PRELID2: variants seen among roughly 807,000 people sequenced by gnomAD.
The protein encoded by PRELID2 is PRELI domain-containing protein 2.
PRELID2 carries 25 observed loss-of-function variants against 28.4 expected under a neutral mutation model. That is an observed-to-expected ratio of 0.88 (90% CI 0.64 to 1.23). PRELID2 has a LOEUF of 1.23. Among genes scored for constraint, PRELID2 ranks in the 50% most tolerant of loss-of-function variants. The pLI, the probability that PRELID2 is intolerant of heterozygous loss-of-function variation, is 0.00. For missense variants in PRELID2, 201 were observed against 214.4 expected (o/e 0.94, Z 0.39); for synonymous variants, 76 against 71.6 (o/e 1.06, Z -0.31).
At chr5:145,802,433 C>T (rs898031695) in intron 4 of PRELID2, among the ~76,000 whole-genome samples, 1 of 151,952 alleles carries the variant, frequency 6.6e-6, no homozygotes, top group Admixed American at 6.6e-5. Context: ...CAAAGACTAG[C>T]GCACGGTAGG....
At chr5:145,604,037 TATAA>T (rs1292192221) in intron 1 of PRELID2, among the ~76,000 whole-genome samples, 1 of 152,122 alleles carries the variant, frequency 6.6e-6, no homozygotes. Flanking sequence ...TGACACTATA[TATAA>T]ATATCTTTTT....
At chr5:145,360,720 A>G in the PRELID2 span, among the ~76,000 whole-genome samples, 1 of 152,210 alleles carries the variant, frequency 6.6e-6, no homozygotes, top group African/African-American at 2.4e-5. Flanking sequence ...CCAGGAAGTC[A>G]ATAACTCTAT....
the PRELID2 span, among the ~76,000 whole-genome samples, chr5:145,273,213 T>C: frequency 6.6e-6 from 1 of 152,126 alleles, no homozygotes; most frequent in Admixed American, 6.6e-5. Flanking sequence ...TCTCGAATTA[T>C]TTTCCTAGGG....
At chr5:145,432,368 T>C in the PRELID2 span, among the ~76,000 whole-genome samples, 1 of 151,064 alleles carries the variant, frequency 6.6e-6, no homozygotes, top group Admixed American at 6.6e-5. Context: ...AATTCAGTCT[T>C]CTGAGTCAAG....
the PRELID2 span, among the ~76,000 whole-genome samples, chr5:145,264,778 A>T: frequency 6.6e-6 from 1 of 152,050 alleles, no homozygotes; most frequent in African/African-American, 2.4e-5. Context: ...GTTCAAGACC[A>T]GCTTAGCCAA....
chr5:145,724,556 G>A (rs544065229), intron 1 of PRELID2, among the ~76,000 whole-genome samples: 4 of 126,098 alleles, frequency 3.2e-5, no homozygotes, highest in South Asian at 2.5e-4. Flanking sequence ...GTTATTCCTC[G>A]TTGATGTTTT....
chr5:145,237,350 C>T, the PRELID2 span, among the ~76,000 whole-genome samples: 1 of 151,988 alleles, frequency 6.6e-6, no homozygotes, highest in Non-Finnish European at 1.5e-5. Context: ...AAATAACAAG[C>T]AAAACAAAAC....
intron 1 of PRELID2, among the ~76,000 whole-genome samples, chr5:145,579,665 C>CA (rs1753091348): frequency 6.6e-6 from 1 of 151,972 alleles, no homozygotes; most frequent in Non-Finnish European, 1.5e-5. Flanking sequence ...TAAATAAATA[C>CA]AAAAAAGACT....
intron 1 of PRELID2, among the ~76,000 whole-genome samples, chr5:145,506,642 A>G (rs1006637575): frequency 6.6e-6 from 1 of 152,188 alleles, no homozygotes; most frequent in African/African-American, 2.4e-5. Flanking sequence ...ATCAAGCCCA[A>G]CATTAATGGG....
downstream of PRELID2, among the ~76,000 whole-genome samples, chr5:145,753,709 G>T (rs1374130708): frequency 6.6e-6 from 1 of 152,138 alleles, no homozygotes; most frequent in East Asian, 1.9e-4. Context: ...CAGCAACACT[G>T]ACCAATAAAC....
At chr5:145,808,045 G>A (rs1472090192) in intron 4 of PRELID2, among the ~76,000 whole-genome samples, 1 of 152,096 alleles carries the variant, frequency 6.6e-6, no homozygotes, top group Non-Finnish European at 1.5e-5. Context: ...TCACTGCTTG[G>A]CTCTTCATAA....
intron 1 of PRELID2, among the ~76,000 whole-genome samples, chr5:145,533,626 T>C (rs1386220749): frequency 6.6e-6 from 1 of 152,034 alleles, no homozygotes; most frequent in East Asian, 1.9e-4. Flanking sequence ...TTACAGGGAT[T>C]AGTGACTTAT....
chr5:145,580,351 G>A (rs1753098331), intron 1 of PRELID2, among the ~76,000 whole-genome samples: 1 of 152,064 alleles, frequency 6.6e-6, no homozygotes, highest in African/African-American at 2.4e-5. Context: ...AATAGCAGGA[G>A]AGAAACTCAC....
the PRELID2 span, among the ~76,000 whole-genome samples, chr5:145,387,157 A>G: frequency 6.6e-6 from 1 of 152,204 alleles, no homozygotes; most frequent in South Asian, 2.1e-4. Flanking sequence ...TAAATGGTTC[A>G]ATTTGTGATA....
the PRELID2 span, among the ~76,000 whole-genome samples, chr5:145,303,411 A>C: frequency 6.6e-6 from 1 of 152,220 alleles, no homozygotes; most frequent in African/African-American, 2.4e-5. Flanking sequence ...AAGATTTAGA[A>C]GCTTATATTG....
At chr5:145,520,262 A>G (rs559952310) in intron 1 of PRELID2, among the ~76,000 whole-genome samples, 2 of 152,342 alleles carry the variant, frequency 1.3e-5, no homozygotes, top group South Asian at 4.1e-4. Context: ...AGTGACTTCA[A>G]TAGCAGCCAT....
intron 1 of PRELID2, among the ~76,000 whole-genome samples, chr5:145,827,150 G>T (rs1017916881): frequency 2.0e-5 from 3 of 152,126 alleles, no homozygotes; most frequent in African/African-American, 7.2e-5. Flanking sequence ...AAGCATTAAG[G>T]GAATCTGTTA....
At chr5:145,464,798 A>G in the PRELID2 span, among the ~76,000 whole-genome samples, 1 of 152,172 alleles carries the variant, frequency 6.6e-6, no homozygotes, top group Non-Finnish European at 1.5e-5. Flanking sequence ...ATGAATCAGC[A>G]TGTGTATTAG....
intron 1 of PRELID2, among the ~76,000 whole-genome samples, chr5:145,656,841 T>A (rs1439306259): frequency 6.6e-6 from 1 of 152,068 alleles, no homozygotes; most frequent in Non-Finnish European, 1.5e-5. Flanking sequence ...ACATGGTACA[T>A]GTATACATAA....
Sources: allele counts gnomAD v4.1 joint callset (sites outside exome capture counted in the v4.1 genomes callset), GRCh38; gene constraint gnomAD v4.1.1; transcripts MANE v1.5; gene names NCBI Gene and HGNC (gene_info 2026-07-23, HGNC 2026-07-21).